The following LZTS2 variants were observed in gnomAD, a reference collection of about 807,000 sequenced individuals.
LZTS2 encodes leucine zipper tumor suppressor 2, also known as leucine zipper putative tumor suppressor 2.
LZTS2 carries 32 observed loss-of-function variants against 60.6 expected under a neutral mutation model. The ratio of observed to expected loss-of-function variants is 0.53; its 90% CI spans 0.40 to 0.71. The LOEUF is 0.71. Among genes scored for constraint, LZTS2 ranks in the 30% least tolerant of loss-of-function variants. The pLI is 0.00. For synonymous variants in LZTS2, 360 were observed against 393.1 expected, an observed-to-expected ratio of 0.92 and a Z score of 1.00; for missense variants, 792 against 901.9, an observed-to-expected ratio of 0.88 and a Z score of 1.56.
intron 2 of LZTS2, 63 bp downstream of exon 3, chr10:101,004,229 A>G: frequency 6.6e-7 from 1 of 1,513,632 alleles, no homozygotes; most frequent in South Asian, 1.3e-5. Flanking sequence ...CTGGGATGCA[A>G]GCGGCATTTC....
At chr10:101,007,503 G>C in exon 4 of LZTS2, 8 of 1,379,086 alleles carry the variant, frequency 5.8e-6, no homozygotes, top group Non-Finnish European at 7.6e-6. Context: ...AGAAGAAGGG[G>C]CTCCCTCCTC....
rs1446370131 is a variant in LZTS2, at chr10:101,005,638, C to T, written c.1249C>T (p.Gln417Ter). The T allele has an allele frequency of 1.2e-6, 2 of 1,610,538 alleles. No homozygotes were observed. The highest frequency in any genetic ancestry group is 1.1e-5 in the South Asian group (1 of 91,034). Residue 417 changes from glutamine to a stop codon, truncating the protein, a stop_gained, in exon 3 of 4, where the codon CAG becomes TAG. Transcript: ENST00000370220. LOFTEE classifies it high-confidence loss of function. ...CGCACAGCTGCTGCAGGAGCGCGAA[C>T]AGCTGGAGCGGCGCTGCGCCACCTT... is the stretch of plus-strand genomic sequence containing the variant.
chr10:100,998,055 G>C (rs1409212125), upstream of LZTS2, among the ~76,000 whole-genome samples: 1 of 152,184 alleles, frequency 6.6e-6, no homozygotes, highest in African/African-American at 2.4e-5. Context: ...GCGCCTGCGG[G>C]TCCCCTTCCT....
chr10:101,000,896 C>T (rs533374792), exon 1 of LZTS2: 2 of 152,598 alleles, frequency 1.3e-5, no homozygotes, highest in East Asian at 3.9e-4. Flanking sequence ...CCAGCGTGGA[C>T]ACCTCTTCCT....
chr10:101,007,081 G>A, exon 4 of LZTS2: 2 of 1,609,548 alleles, frequency 1.2e-6, no homozygotes, highest in Non-Finnish European at 1.7e-6. Context: ...TCAGCCTGGA[G>A]CTGGAGGCCC....
chr10:101,006,692 G>A (rs770954766), exon 4 of LZTS2: 3 of 1,597,756 alleles, frequency 1.9e-6, no homozygotes, highest in Non-Finnish European at 1.7e-6. Flanking sequence ...CTGTTCCCAG[G>A]AGCTGCAGCG....
exon 2 of LZTS2, chr10:101,003,601 G>T: frequency 6.3e-7 from 1 of 1,593,658 alleles, no homozygotes; most frequent in Non-Finnish European, 8.6e-7. Context: ...ATGGGTCCTC[G>T]GGCCACCGGG....
At chr10:101,001,253 AT>A (rs764495791) in exon 1 of LZTS2, 9 of 152,266 alleles carry the variant, frequency 5.9e-5, no homozygotes, top group Non-Finnish European at 1.3e-4. Context: ...TTAGATCCAC[AT>A]TTATAACTTT....
chr10:101,006,673 G>C (rs1590039883), exon 4 of LZTS2: 13 of 1,592,110 alleles, frequency 8.2e-6, no homozygotes, highest in Non-Finnish European at 1.1e-5. Context: ...GGGAGCTGGA[G>C]CTGGAAGCCT....
chr10:101,004,267 A>G, intron 2 of LZTS2, 101 bp downstream of exon 3: 1 of 1,340,144 alleles, frequency 7.5e-7, no homozygotes, highest in Non-Finnish European at 1.0e-6. Flanking sequence ...GGGGTTGGGT[A>G]GTTGTAGTTG....
chr10:100,997,484 G>A (rs1474281989), upstream of LZTS2, among the ~76,000 whole-genome samples: 9 of 152,172 alleles, frequency 5.9e-5, no homozygotes, highest in African/African-American at 2.2e-4. Flanking sequence ...GAAAGGACGC[G>A]CCCAGTTGGC....
At position 101,006,856 on chromosome 10, in the gene LZTS2, G is replaced by A. The variant is rs749579487; in HGVS notation, c.1698G>A (p.Gly566=). ...CCAAAGTGCAGCGGGCAGCAGCCGGGGTTGGGGGCAGCTTGCGGGCCCAGG... is the reference window on the plus strand; with the variant it reads ...CCAAAGTGCAGCGGGCAGCAGCCGGAGTTGGGGGCAGCTTGCGGGCCCAGG... Residue 566 remains glycine (G), a synonymous_variant, in exon 4 of 4, where the codon GGG becomes GGA. Transcript: ENST00000370220. 2.5e-5 allele frequency: 39 copies of A among 1,536,576 alleles called. No homozygotes were observed. The East Asian group carries it at 8.6e-4, about 34-fold the overall frequency.
Position 101,007,034 on chromosome 10 carries a change from C to T in LZTS2, c.1876C>T (p.Arg626Trp), listed in dbSNP as rs200550347. The change falls in exon 4 of 4, where the codon CGG becomes TGG. Residue 626 changes from arginine to tryptophan, a missense_variant. Transcript: ENST00000370220. ...GCAGCACAACTACATCCAGATGTAC[C>T]GGCGCAACCGGCAGCTAGAGCAGGA... The T allele has an allele frequency of 2.3e-5, 36 of 1,589,138 alleles. No individual in the cohort carries two copies. The highest frequency in any genetic ancestry group is 1.2e-4 in the African/African-American group (9 of 74,694).
At chr10:101,002,369 C>A in exon 1 of LZTS2, 1 of 547,420 alleles carries the variant, frequency 1.8e-6, no homozygotes, top group Non-Finnish European at 3.0e-6. Context: ...TTCATTCCAG[C>A]ACTTGAAGGG....
exon 3 of LZTS2, chr10:101,005,607 C>T (rs372112006): frequency 2.6e-5 from 42 of 1,611,212 alleles, no homozygotes; most frequent in Admixed American, 8.3e-5. Flanking sequence ...AATTGCAGGA[C>T]GACTTCGCAC....
At position 101,002,854 on chromosome 10, in the gene LZTS2, G is replaced by A; in HGVS notation, c.316G>A (p.Asp106Asn). Residue 106 changes from aspartate (D) to asparagine (N), a missense_variant, in exon 1 of 4, where the codon GAT (aspartate) becomes AAT (asparagine). Physicochemically the swap from Asp to Asn is conservative, Grantham distance 23. Transcript: ENST00000370220. ...AGAGTCACCCCCCAGCCCAAGCAGT[G>A]ATGTTGAGGATGCCCGAGAGCAGCG... The A allele has an allele frequency of 1.2e-6, 2 of 1,613,884 alleles. 1 individual carries two copies. Among genetic ancestry groups the A allele is most frequent in the South Asian group, 2.2e-5 (2 of 91,090 alleles).
exon 1 of LZTS2, chr10:101,002,442 G>A (rs756647772): frequency 3.8e-5 from 47 of 1,251,210 alleles, no homozygotes; most frequent in Non-Finnish European, 5.0e-5. Context: ...CAGGATCAGT[G>A]GGTCAGGAGG....
At chr10:101,003,171 G>T in intron 1 of LZTS2, 1 of 604,528 alleles carries the variant, frequency 1.7e-6, no homozygotes, top group Non-Finnish European at 2.8e-6. Flanking sequence ...GTATAGCATA[G>T]TGCCTAGCAC....
At chr10:101,005,334 A>T in intron 2 of LZTS2, 124 bp from the exon 4 acceptor site, 1 of 1,076,244 alleles carries the variant, frequency 9.3e-7, no homozygotes, top group Non-Finnish European at 1.3e-6. Flanking sequence ...TTGTTGTTGC[A>T]ATTACTATTG....
Sources: gnomAD v4.1 joint callset for allele counts (sites outside exome capture counted in the v4.1 genomes callset) on GRCh38, gnomAD v4.1.1 for gene constraint, MANE v1.5 for transcripts, NCBI Gene and HGNC (gene_info 2026-07-23, HGNC 2026-07-21) for gene names.